The following ASCC3 variants were observed in gnomAD, a reference collection of about 807,000 sequenced individuals.
ASCC3 encodes ASC-1 complex subunit P200.
A neutral mutation model predicts 256.3 loss-of-function variants in ASCC3; 158 were observed. The observed-to-expected ratio is 0.62, with a 90% CI of 0.54 to 0.70. ASCC3 has a LOEUF of 0.70. ASCC3 is among the 30% of genes least tolerant of loss of function. The probability of loss-of-function intolerance (pLI) is 0.00; values close to 1 mark genes in which losing one functional copy is unlikely to be tolerated. For synonymous variants in ASCC3, 948 were observed against 883.4 expected (o/e 1.07, Z -1.30); for missense variants, 2,259 against 2,626.0 (o/e 0.86, Z 3.05).
intron 10 of ASCC3, among the ~76,000 whole-genome samples, chr6:100,736,517 C>T (rs1008125723): frequency 4.0e-5 from 6 of 151,782 alleles, no homozygotes; most frequent in African/African-American, 1.5e-4. Context: ...AAAAAAAGTT[C>T]CTTTTAAGAC....
intron 2 of ASCC3, among the ~76,000 whole-genome samples, chr6:100,867,126 C>T (rs1773519072): frequency 6.6e-6 from 1 of 152,148 alleles, no homozygotes. Context: ...ACAGGAAAGA[C>T]ACTGAAGAAG....
intron 3 of ASCC3, among the ~76,000 whole-genome samples, chr6:100,862,772 G>T (rs1361144995): frequency 6.6e-6 from 1 of 152,168 alleles, no homozygotes; most frequent in African/African-American, 2.4e-5. Context: ...AATAATACAT[G>T]TTATGGAGAA....
At chr6:100,834,386 T>C (rs1771776082) in intron 4 of ASCC3, among the ~76,000 whole-genome samples, 1 of 152,228 alleles carries the variant, frequency 6.6e-6, no homozygotes. Context: ...GAAAGAAGTA[T>C]ATTTGTCATC....
At chr6:100,770,712 AT>A (rs1461510373) in intron 8 of ASCC3, among the ~76,000 whole-genome samples, 4 of 152,008 alleles carry the variant, frequency 2.6e-5, no homozygotes, top group South Asian at 2.1e-4. Context: ...TCTGAAAGCA[AT>A]TTTTTTAATC....
intron 36 of ASCC3, among the ~76,000 whole-genome samples, chr6:100,577,502 C>T (rs1347186440): frequency 6.6e-6 from 1 of 152,034 alleles, no homozygotes; most frequent in Non-Finnish European, 1.5e-5. Context: ...TCTGAGGCCA[C>T]CGGAAATGTA....
At chr6:100,718,325 T>C in intron 11 of ASCC3, 74 bp from the exon 12 acceptor site, 1 of 1,281,394 alleles carries the variant, frequency 7.8e-7, no homozygotes, top group Non-Finnish European at 1.1e-6. Context: ...TTTGTCCTAT[T>C]AATAGGACTT....
intron 5 of ASCC3, among the ~76,000 whole-genome samples, chr6:100,804,553 C>T (rs1770073463): frequency 6.6e-6 from 1 of 151,860 alleles, no homozygotes; most frequent in African/African-American, 2.4e-5. Flanking sequence ...CTATAAGGAA[C>T]CTAAATCAAC....
intron 14 of ASCC3, among the ~76,000 whole-genome samples, chr6:100,673,117 T>C (rs1222215131): frequency 6.6e-6 from 1 of 152,102 alleles, no homozygotes; most frequent in Non-Finnish European, 1.5e-5. Context: ...CCTTGAAAGA[T>C]GATCCTAGTT....
intron 13 of ASCC3, chr6:100,715,155 G>A (rs9373580): frequency 0.93 from 183,142 of 196,352 alleles, 85,623 homozygotes; most frequent in East Asian, 1. Context: ...AAACAATACA[G>A]AACTTTATTA....
intron 5 of ASCC3, 132 bp from the exon 6 acceptor site, chr6:100,800,636 C>A: frequency 1.4e-6 from 1 of 711,932 alleles, no homozygotes. Context: ...CTGGCAAATT[C>A]AATTATATGT....
chr6:100,644,430 A>C (rs192291624), intron 22 of ASCC3, among the ~76,000 whole-genome samples: 1 of 152,298 alleles, frequency 6.6e-6, no homozygotes, highest in East Asian at 1.9e-4. Context: ...ATAAAATCAT[A>C]TAATATGCAG....
intron 37 of ASCC3, among the ~76,000 whole-genome samples, chr6:100,526,626 C>G (rs1459414448): frequency 2.0e-5 from 3 of 152,166 alleles, no homozygotes; most frequent in African/African-American, 7.2e-5. Flanking sequence ...TATCACTTCC[C>G]TAGTGGAGAA....
At chr6:100,747,379 C>T (rs7752853) in intron 10 of ASCC3, among the ~76,000 whole-genome samples, 148,083 of 152,110 alleles carry the variant, frequency 0.97, 72,214 homozygotes, top group East Asian at 1. Flanking sequence ...CAGGCAATTC[C>T]ACTCCTAGGT....
chr6:100,828,972 G>A (rs1771476558), intron 4 of ASCC3, among the ~76,000 whole-genome samples: 1 of 152,082 alleles, frequency 6.6e-6, no homozygotes, highest in South Asian at 2.1e-4. Flanking sequence ...GCTGATTGGT[G>A]CGTTTACAAT....
intron 13 of ASCC3, among the ~76,000 whole-genome samples, chr6:100,685,823 T>C (rs1325256865): frequency 3.3e-5 from 5 of 152,230 alleles, no homozygotes; most frequent in Admixed American, 3.3e-4. Context: ...AAAGGTTTCA[T>C]TGTGCATGCC....
intron 38 of ASCC3, among the ~76,000 whole-genome samples, chr6:100,517,388 A>G (rs1188172807): frequency 6.6e-6 from 1 of 152,144 alleles, no homozygotes; most frequent in Non-Finnish European, 1.5e-5. Flanking sequence ...GGCGTGAAAC[A>G]CTGGTGTGAA....
chr6:100,673,002 A>G lies in ASCC3; in HGVS notation c.2286+6616T>C, dbSNP rs574284016. Among the ~76,000 whole-genome samples the G allele has an allele frequency of 3.9e-5, 6 of 152,220 alleles. No individual in the cohort carries two copies. The East Asian group carries it at 1.2e-3, about 29-fold the overall frequency. On this transcript the variant is annotated intron_variant, in intron 14 of 41. Transcript: ENST00000369162. Reference sequence around the variant, plus strand: ...TAAACAAGTCACAATCACCCAGACTAGCCTAATCCCAATAACTAATTTCCA... The same window carrying G: ...TAAACAAGTCACAATCACCCAGACTGGCCTAATCCCAATAACTAATTTCCA...
At chr6:100,727,083 T>G (rs1182930841) in intron 10 of ASCC3, among the ~76,000 whole-genome samples, 3 of 152,128 alleles carry the variant, frequency 2.0e-5, no homozygotes, top group East Asian at 3.8e-4. Context: ...TTAAAAACTT[T>G]CCTTACAGCT....
intron 37 of ASCC3, among the ~76,000 whole-genome samples, chr6:100,539,516 T>A (rs556069192): frequency 1.3e-5 from 2 of 152,304 alleles, no homozygotes; most frequent in East Asian, 3.9e-4. Flanking sequence ...TCACTTTTTT[T>A]TATTGTTTTA....
Sources: allele counts gnomAD v4.1 joint callset (sites outside exome capture counted in the v4.1 genomes callset), GRCh38; gene constraint gnomAD v4.1.1; transcripts MANE v1.5; gene names NCBI Gene and HGNC (gene_info 2026-07-23, HGNC 2026-07-21).